Variants in DOCK2 observed in about 807,000 individuals in gnomAD.
The protein encoded by DOCK2 is dedicator of cytokinesis 2, also known as dedicator of cytokinesis protein 2.
A neutral mutation model predicts 248.9 loss-of-function variants in DOCK2; 87 were observed. That is an observed-to-expected ratio of 0.35 (90% confidence interval 0.29 to 0.42). DOCK2 has a LOEUF of 0.42. DOCK2 is among the 10% of genes least tolerant of loss of function. The probability of loss-of-function intolerance (pLI) is 1.00; values close to 1 mark genes in which losing one functional copy is unlikely to be tolerated. For synonymous variants in DOCK2, 805 were observed against 821.6 expected, an observed-to-expected ratio of 0.98 and a Z score of 0.35; for missense variants, 1,747 against 2,300.2, an observed-to-expected ratio of 0.76 and a Z score of 4.92.
At chr5:169,934,722 G>T (rs1295167253) in intron 27 of DOCK2, 1 of 456,236 alleles carries the variant, frequency 2.2e-6, no homozygotes, top group Admixed American at 2.3e-5. Context: ...TCTGCCAAGG[G>T]TTAGCACAGG....
At chr5:169,820,876 G>T (rs1302174783) in intron 26 of DOCK2, among the ~76,000 whole-genome samples, 2 of 152,098 alleles carry the variant, frequency 1.3e-5, no homozygotes, top group Admixed American at 1.3e-4. Context: ...CTTGAAAAAA[G>T]ATTAGATGAA....
At chr5:169,945,425 T>A (rs1168479365) in intron 27 of DOCK2, among the ~76,000 whole-genome samples, 1 of 152,252 alleles carries the variant, frequency 6.6e-6, no homozygotes, top group Non-Finnish European at 1.5e-5. Context: ...GAGAATAAAC[T>A]CAACAGAAAT....
At chr5:169,823,837 G>A (rs1768652586) in intron 26 of DOCK2, among the ~76,000 whole-genome samples, 1 of 152,164 alleles carries the variant, frequency 6.6e-6, no homozygotes, top group Non-Finnish European at 1.5e-5. Context: ...AATTGTCCCT[G>A]TTTGCAGATG....
chr5:170,027,796 T>C (rs933221648), intron 33 of DOCK2, 67 bp from the exon 34 acceptor site: 1 of 1,448,784 alleles, frequency 6.9e-7, no homozygotes, highest in Non-Finnish European at 9.5e-7. Context: ...GTTGAAATAA[T>C]GAATTGACTA....
chr5:169,903,571 G>A (rs1030600514), intron 27 of DOCK2, among the ~76,000 whole-genome samples: 1 of 152,088 alleles, frequency 6.6e-6, no homozygotes, highest in Non-Finnish European at 1.5e-5. Context: ...TGGGGAGATG[G>A]GAGAAGGGAA....
At chr5:170,070,302 T>C (rs1361650734) in intron 46 of DOCK2, among the ~76,000 whole-genome samples, 1 of 152,260 alleles carries the variant, frequency 6.6e-6, no homozygotes, top group Non-Finnish European at 1.5e-5. Flanking sequence ...GGAGTTTTTG[T>C]TACTCTAGGG....
intron 27 of DOCK2, among the ~76,000 whole-genome samples, chr5:169,879,752 T>TG (rs1193204412): frequency 2.0e-5 from 3 of 152,196 alleles, no homozygotes; most frequent in African/African-American, 7.2e-5. Flanking sequence ...AAGGGACTCT[T>TG]GGGGCCATTT....
intron 27 of DOCK2, among the ~76,000 whole-genome samples, chr5:169,950,451 T>TTCTTGAGA (rs146938278): frequency 8.7e-4 from 132 of 152,322 alleles, no homozygotes; most frequent in Non-Finnish European, 1.3e-3. Context: ...AAGACAAACC[T>TTCTTGAGA]AGGTAAACAG....
chr5:169,902,267 A>G (rs996741502), intron 27 of DOCK2, among the ~76,000 whole-genome samples: 3 of 152,236 alleles, frequency 2.0e-5, no homozygotes, highest in South Asian at 2.1e-4. Context: ...AAAGAGGCAC[A>G]ATGATAACCA....
chr5:169,825,514 G>C (rs915534412), intron 26 of DOCK2, among the ~76,000 whole-genome samples: 73 of 148,280 alleles, frequency 4.9e-4, no homozygotes, highest in African/African-American at 1.7e-3. Flanking sequence ...GCAAACTATC[G>C]CAAGGACAAA....
rs185540446 is a variant in DOCK2 at position 169,710,203 on chromosome 5, T to C, written c.1483-1732T>C. On this transcript the variant is annotated intron_variant, in intron 15 of 51. Transcript: ENST00000520908. ...CTTAGGGTCCTTGGAGGCACCTCTC[T>C]GAATCTGAAATGACCCCCTAGCATG... Among the ~76,000 whole-genome samples the C allele has an allele frequency of 2.0e-5, 3 of 152,346 alleles. No individual in the cohort carries two copies. The East Asian group carries it at 5.8e-4, about 29-fold the overall frequency.
At position 170,050,169 on chromosome 5, in the gene DOCK2, G is replaced by C. The variant is rs999599960; in HGVS notation, c.4072-87G>C. ...TGCACTGGACATCCCCATGGACCGT[G>C]GTCATTTTACAAGCTCCCCAGCTTT... On this transcript the variant is annotated intron_variant, in intron 40 of 51. Transcript: ENST00000520908. 32 of 1,532,876 alleles carry C rather than the reference G, an allele frequency of 2.1e-5. No homozygotes were observed. The African/African-American group carries it at 4.1e-4, about 20-fold the overall frequency. The allele number at this position is 1,532,876 out of a possible 1,614,324, so 95.0% of individuals were successfully genotyped here.
intron 25 of DOCK2, among the ~76,000 whole-genome samples, chr5:169,791,151 A>G (rs1306661473): frequency 6.6e-6 from 1 of 151,962 alleles, no homozygotes; most frequent in African/African-American, 2.4e-5. Context: ...TTCATCTAAC[A>G]CTTACTAAGA....
At chr5:170,070,799 G>C (rs1757655078) in intron 46 of DOCK2, among the ~76,000 whole-genome samples, 1 of 152,192 alleles carries the variant, frequency 6.6e-6, no homozygotes, top group South Asian at 2.1e-4. Context: ...TGTGTTTACT[G>C]TACCCAAAGA....
At chr5:169,780,443 C>T (rs1295523803) in intron 25 of DOCK2, among the ~76,000 whole-genome samples, 1 of 152,042 alleles carries the variant, frequency 6.6e-6, no homozygotes, top group Non-Finnish European at 1.5e-5. Context: ...ACCTCTGGGC[C>T]TTGTGTGCTG....
intron 22 of DOCK2, among the ~76,000 whole-genome samples, chr5:169,725,666 C>T (rs544267197): frequency 8.6e-4 from 126 of 147,348 alleles, no homozygotes; most frequent in South Asian, 2.3e-3. Context: ...CAGCCCCCAA[C>T]CCCCGACAGG....
At position 169,808,774 on chromosome 5, in the gene DOCK2, G is replaced by A. The variant is rs546760450; in HGVS notation, c.2703+5568G>A. Among the ~76,000 whole-genome samples the A allele has an allele frequency of 1.4e-4, 21 of 152,184 alleles. No homozygotes were observed. The South Asian group carries it at 4.4e-3, about 32-fold the overall frequency. On this transcript the variant is annotated intron_variant, in intron 26 of 51. Coordinates refer to ENST00000520908, the MANE Select transcript of DOCK2 (RefSeq NM_004946.3). The stretch of plus-strand genomic sequence containing the variant: ...TTTGTTTTTATGTTTCATTCCTCAA[G>A]AAAAAGGAGAGTCGTTGTTTGCTAC...
chr5:169,803,886 G>A (rs1267597398), intron 26 of DOCK2, among the ~76,000 whole-genome samples: 2 of 152,148 alleles, frequency 1.3e-5, no homozygotes, highest in African/African-American at 4.8e-5. Context: ...ACCCAGGCCT[G>A]GAATTCTTAA....
chr5:169,995,488 T>G (rs1451491865), intron 29 of DOCK2, among the ~76,000 whole-genome samples: 2 of 152,260 alleles, frequency 1.3e-5, no homozygotes, highest in Non-Finnish European at 2.9e-5. Flanking sequence ...TGGATTAAAC[T>G]GTGATACATC....
Sources: allele counts gnomAD v4.1 joint callset (sites outside exome capture counted in the v4.1 genomes callset), GRCh38; gene constraint gnomAD v4.1.1; transcripts MANE v1.5; gene names NCBI Gene and HGNC (gene_info 2026-07-23, HGNC 2026-07-21).